Variants in CTNNA3 observed in about 807,000 individuals in gnomAD.
CTNNA3 encodes catenin alpha-3.
CTNNA3 carries 76 observed loss-of-function variants against 95.7 expected under a neutral mutation model. The observed-to-expected ratio is 0.79, with a 90% CI of 0.66 to 0.96. The LOEUF is 0.96. Among genes scored for constraint, CTNNA3 ranks in the 40% least tolerant of loss-of-function variants. CTNNA3 has a pLI of 0.00. For synonymous variants in CTNNA3, 431 were observed against 374.4 expected (o/e 1.15, Z -1.74); for missense variants, 1,191 against 1,089.8 (o/e 1.09, Z -1.31).
chr10:67,610,442 G>A (rs985502967), intron 2 of CTNNA3, among the ~76,000 whole-genome samples: 5 of 152,202 alleles, frequency 3.3e-5, no homozygotes, highest in Admixed American at 1.3e-4. Flanking sequence ...CTAAAGTCAA[G>A]TGAGGTTTTC....
At chr10:66,443,853 G>C (rs144406993) in intron 11 of CTNNA3, among the ~76,000 whole-genome samples, 2,315 of 152,258 alleles carry the variant, frequency 0.015, 75 homozygotes, top group African/African-American at 0.053. Context: ...AGAGAAGAAG[G>C]CTTCAGACGA....
chr10:66,621,795 A>G lies in CTNNA3; in HGVS notation c.1282-11T>C. 6.5e-7 allele frequency: 1 copy of G among 1,543,332 alleles called. No individual in the cohort carries two copies. Among genetic ancestry groups the G allele is most frequent in the Non-Finnish European group, 8.9e-7 (1 of 1,126,674 alleles). ...AGCAAGATTTGCCACCTTAAATACA[A>G]TCCAAAATAATGGAAATTATTTTAG... On this transcript the variant is annotated splice_polypyrimidine_tract_variant and intron_variant, in intron 9 of 17. Coordinates refer to ENST00000433211, the MANE Select transcript of CTNNA3 (RefSeq NM_013266.4).
intron 13 of CTNNA3, among the ~76,000 whole-genome samples, chr10:66,253,017 C>T (rs956736520): frequency 3.9e-4 from 59 of 152,128 alleles, no homozygotes; most frequent in African/African-American, 1.2e-3. Context: ...GGATTGCACA[C>T]AGAATGAAGT....
At chr10:67,296,842 G>A (rs1017899989) in intron 5 of CTNNA3, among the ~76,000 whole-genome samples, 1 of 148,000 alleles carries the variant, frequency 6.8e-6, no homozygotes, top group Non-Finnish European at 1.5e-5. Context: ...GCTGAGGCAG[G>A]AGAATCGCTT....
intron 7 of CTNNA3, among the ~76,000 whole-genome samples, chr10:66,996,649 CAAA>C (rs57025097): frequency 2.7e-4 from 18 of 67,636 alleles, no homozygotes; most frequent in South Asian, 1.3e-3. Context: ...TCCGTCTCTA[CAAA>C]AAAAAAAAAA....
At chr10:67,641,758 CA>C (rs1224043645) in intron 2 of CTNNA3, among the ~76,000 whole-genome samples, 1 of 151,988 alleles carries the variant, frequency 6.6e-6, no homozygotes, top group Non-Finnish European at 1.5e-5. Flanking sequence ...ATCGCAAGGA[CA>C]AAAAACCAAA....
chr10:66,697,281 T>G (rs1847800939), intron 9 of CTNNA3, among the ~76,000 whole-genome samples: 1 of 150,244 alleles, frequency 6.7e-6, no homozygotes, highest in African/African-American at 2.4e-5. Flanking sequence ...TATAGATATC[T>G]ATCAGAAAGC....
Position 66,762,305 on chromosome 10 carries a change from T to C in CTNNA3, c.1281+3959A>G, listed in dbSNP as rs535660205. On this transcript the variant is annotated intron_variant, in intron 9 of 17. Coordinates refer to ENST00000433211, the MANE Select transcript of CTNNA3 (RefSeq NM_013266.4). ...TTCATTGCTAATCACTATGTGAAGATGACTTTTAAAATACTCCTGACGACT... is the reference window on the plus strand; with the variant it reads ...TTCATTGCTAATCACTATGTGAAGACGACTTTTAAAATACTCCTGACGACT... Among the ~76,000 whole-genome samples the C allele has an allele frequency of 3.0e-4, 45 of 152,206 alleles. 1 individual carries two copies. Among genetic ancestry groups the C allele is most frequent in the Admixed American group, 1.3e-3 (20 of 15,268 alleles).
intron 12 of CTNNA3, among the ~76,000 whole-genome samples, chr10:66,314,050 C>T (rs767706351): frequency 2.0e-5 from 3 of 152,144 alleles, no homozygotes; most frequent in East Asian, 1.9e-4. Flanking sequence ...AATAAATATA[C>T]TCATACATAC....
At chr10:66,380,613 C>CTA (rs1239036595) in intron 11 of CTNNA3, among the ~76,000 whole-genome samples, 1 of 109,796 alleles carries the variant, frequency 9.1e-6, no homozygotes, top group African/African-American at 5.1e-5. Flanking sequence ...ATCTATCTAT[C>CTA]TATCTATCTA....
chr10:67,345,007 T>C (rs995613781), intron 5 of CTNNA3, among the ~76,000 whole-genome samples: 1 of 152,070 alleles, frequency 6.6e-6, no homozygotes, highest in Non-Finnish European at 1.5e-5. Context: ...CTGGTACTGA[T>C]TTTACTGCAT....
At chr10:66,046,031 G>A (rs562599575) in intron 15 of CTNNA3, among the ~76,000 whole-genome samples, 1 of 152,128 alleles carries the variant, frequency 6.6e-6, no homozygotes, top group Non-Finnish European at 1.5e-5. Flanking sequence ...AAAGGGGTGA[G>A]TAATACAATG....
At chr10:67,042,012 G>A (rs754164468) in intron 7 of CTNNA3, among the ~76,000 whole-genome samples, 11 of 152,124 alleles carry the variant, frequency 7.2e-5, no homozygotes, top group African/African-American at 2.2e-4. Flanking sequence ...CTTAAAGTAC[G>A]TGTGAAGGGA....
At chr10:66,077,365 G>A (rs1184457646) in intron 14 of CTNNA3, among the ~76,000 whole-genome samples, 1 of 151,712 alleles carries the variant, frequency 6.6e-6, no homozygotes, top group Non-Finnish European at 1.5e-5. Context: ...GTGGAGGCAT[G>A]AGAGATCTTA....
At position 67,501,403 on chromosome 10, in the gene CTNNA3, CT is replaced by C. The variant is rs559929212; in HGVS notation, c.579+20438del. 2.0e-5 allele frequency among the ~76,000 whole-genome samples: 3 copies of C among 152,048 alleles called. No individual in the cohort carries two copies. In the South Asian group the frequency reaches 6.2e-4, roughly 32 times the overall value. On this transcript the variant is annotated intron_variant, in intron 5 of 17. Coordinates refer to ENST00000433211, the MANE Select transcript of CTNNA3 (RefSeq NM_013266.4). ...CTCTGTCTGCCCTTAACATTTTTTC[CT>C]TCATTTCAACCACGATGAATCTGAT...
At chr10:66,015,088 C>T (rs184513065) in intron 15 of CTNNA3, among the ~76,000 whole-genome samples, 1 of 149,508 alleles carries the variant, frequency 6.7e-6, no homozygotes, top group Non-Finnish European at 1.5e-5. Context: ...GGTGACAGAG[C>T]GAGACTCTGT....
At chr10:67,049,030 GT>G (rs3998950) in intron 7 of CTNNA3, among the ~76,000 whole-genome samples, 43,389 of 144,644 alleles carry the variant, frequency 0.3, 6,060 homozygotes, top group Middle Eastern at 0.44. Flanking sequence ...ATGATAACTG[GT>G]TTTTTTTTTT....
intron 9 of CTNNA3, among the ~76,000 whole-genome samples, chr10:66,655,362 ATTAT>A (rs1485757069): frequency 6.6e-6 from 1 of 152,072 alleles, no homozygotes; most frequent in African/African-American, 2.4e-5. Flanking sequence ...ACAGATAGTT[ATTAT>A]TTTAAGACGA....
chr10:67,760,682 C>T (rs1447737146), intron 1 of CTNNA3, among the ~76,000 whole-genome samples: 1 of 152,094 alleles, frequency 6.6e-6, no homozygotes, highest in East Asian at 1.9e-4. Flanking sequence ...TTCCCCATTG[C>T]TCACATTACC....
Sources: allele counts gnomAD v4.1 joint callset (sites outside exome capture counted in the v4.1 genomes callset), GRCh38; gene constraint gnomAD v4.1.1; transcripts MANE v1.5; gene names NCBI Gene and HGNC (gene_info 2026-07-23, HGNC 2026-07-21).